Variants in MGAM2 observed in about 807,000 individuals in gnomAD.
MGAM2 encodes probable maltase-glucoamylase 2.
Under a neutral mutation model 96.1 loss-of-function variants are expected in MGAM2, and 98 were observed. The observed-to-expected ratio is 1.02, with a 90% CI of 0.87 to 1.21. The LOEUF (loss-of-function observed/expected upper bound fraction) is 1.21. Ranked by LOEUF, MGAM2 falls within the 50% of genes most tolerant of loss-of-function variation. The pLI is 0.00. For synonymous variants in MGAM2, 749 were observed against 414.8 expected (o/e 1.81, Z -9.79); for missense variants, 2,055 against 1,182.4 (o/e 1.74, Z -10.82).
Position 142,120,383 on chromosome 7 carries a change from T to G in MGAM2, c.186+2T>G. 2.8e-6 allele frequency: 2 copies of G among 702,778 alleles called. No homozygotes were observed. Among genetic ancestry groups the G allele is most frequent in the Non-Finnish European group, 5.2e-6 (2 of 384,884 alleles). 43.5% of individuals were successfully genotyped at this position (702,778 alleles called of 1,614,324 possible). ...ACACCTGACCAGGAGGTGACCGAGG[T>G]CAGAGAAATAAGGTCCCTTTTGGTG... On this transcript the variant is annotated splice_donor_variant, in intron 3 of 47. Transcript: ENST00000477922. LOFTEE classifies it high-confidence loss of function.
At chr7:142,185,959 C>G (rs1219527877) in intron 34 of MGAM2, 30 bp from the exon 35 acceptor site, 2 of 701,352 alleles carry the variant, frequency 2.9e-6, no homozygotes, top group Admixed American at 2.0e-5. Flanking sequence ...GCTGAGACCC[C>G]GACAATGAGA....
At position 142,116,926 on chromosome 7, in the gene MGAM2, T is replaced by C; in HGVS notation, c.53T>C (p.Ile18Thr). Residue 18 changes from isoleucine (I) to threonine (T), a missense_variant, in exon 2 of 48, where the codon ATT becomes ACT. Physicochemically the swap from Ile to Thr is moderately conservative, Grantham distance 89. Coordinates refer to ENST00000477922, the MANE Select transcript of MGAM2 (RefSeq NM_001293626.2). ...GTCCTTCTGATCATCTTCTGCTTAATTGTGGTGACCATAGATATCCTCTTG... is the reference window on the plus strand; with the variant it reads ...GTCCTTCTGATCATCTTCTGCTTAACTGTGGTGACCATAGATATCCTCTTG... ...LEVLLIIFCL[I>T]VVTIDILLLL... 1.4e-6 allele frequency: 1 copy of C among 703,508 alleles called. No individual in the cohort carries two copies. Among genetic ancestry groups the C allele is most frequent in the Non-Finnish European group, 2.6e-6 (1 of 385,082 alleles). The allele number at this position is 703,508 out of a possible 1,614,324, so 43.6% of individuals were successfully genotyped here.
chr7:142,167,202 T>C, intron 25 of MGAM2, 66 bp from the exon 26 acceptor site: 2 of 620,286 alleles, frequency 3.2e-6, no homozygotes, highest in South Asian at 1.8e-5. Flanking sequence ...GTTAACCAAC[T>C]TCTTCAGTAA....
chr7:142,179,419 A>T, intron 32 of MGAM2, among the ~76,000 whole-genome samples: 1 of 152,184 alleles, frequency 6.6e-6, no homozygotes, highest in Non-Finnish European at 1.5e-5. Flanking sequence ...GAGAGGGGGC[A>T]TCCTTGCCAT....
At chr7:142,216,529 G>A (rs1383113952) in intron 46 of MGAM2, among the ~76,000 whole-genome samples, 5 of 152,090 alleles carry the variant, frequency 3.3e-5, no homozygotes, top group East Asian at 3.9e-4. Context: ...TATTATCAGC[G>A]GTTTCCTGGT....
At chr7:142,192,111 C>T (rs577859538) in intron 37 of MGAM2, among the ~76,000 whole-genome samples, 2 of 152,098 alleles carry the variant, frequency 1.3e-5, no homozygotes, top group South Asian at 2.1e-4. Context: ...GCCTTCTGTC[C>T]CCAGAGTTTA....
Position 142,131,058 on chromosome 7 carries a change from A to T in MGAM2, c.297A>T (p.Thr99=), listed in dbSNP as rs1028969675. The T allele has an allele frequency of 5.7e-6, 4 of 702,536 alleles. No homozygotes were observed. In the African/African-American group the frequency reaches 7.0e-5, roughly 12 times the overall value. The allele number at this position is 702,536 out of a possible 1,614,324, so 43.5% of individuals were successfully genotyped here. A position where few individuals can be genotyped will look rare whatever the true frequency, so the allele number is the denominator to read the frequency against. ...NWGYEASNGH[T]NTSTGFTAQL... is the part of the protein sequence containing the mutation. ...GCTATGAAGCCAGCAATGGCCATACAAATACAAGCACAGGTGAGCACTGCC... is the reference window on the plus strand; with the variant it reads ...GCTATGAAGCCAGCAATGGCCATACTAATACAAGCACAGGTGAGCACTGCC... Residue 99 remains threonine (T), a synonymous_variant, in exon 4 of 48, where the codon ACA becomes ACT. Transcript: ENST00000477922.
chr7:142,164,406 A>G (rs529573515), intron 23 of MGAM2, among the ~76,000 whole-genome samples: 30 of 152,326 alleles, frequency 2.0e-4, no homozygotes, highest in African/African-American at 7.0e-4. Flanking sequence ...TGCTTAGCAC[A>G]GTGCCTGTCA....
At chr7:142,173,142 A>G (rs1199042041) in intron 30 of MGAM2, 87 bp from the exon 31 acceptor site, 1 of 676,538 alleles carries the variant, frequency 1.5e-6, no homozygotes, top group Non-Finnish European at 2.7e-6. Flanking sequence ...AGTACTTAGC[A>G]GAAACACTCA....
chr7:142,135,224 T>G (rs566871373), intron 7 of MGAM2, among the ~76,000 whole-genome samples: 2 of 152,298 alleles, frequency 1.3e-5, no homozygotes, highest in East Asian at 1.9e-4. Context: ...TCGGATACAA[T>G]GGAGGGAGTG....
rs1312762794 is a variant in MGAM2 at position 142,120,372 on chromosome 7, G to T, written c.177G>T (p.Glu59Asp). 2 of 702,952 alleles carry T rather than the reference G, an allele frequency of 2.8e-6. No homozygotes were observed. The highest frequency in any genetic ancestry group is 5.2e-6 in the Non-Finnish European group (2 of 384,986). The allele number at this position is 702,952 out of a possible 1,614,324, so 43.5% of individuals were successfully genotyped here. ...SERIDCTPDQ[E>D]VTEDICRWQY... ...GGATAGACTGCACACCTGACCAGGA[G>T]GTGACCGAGGTCAGAGAAATAAGGT... Residue 59 changes from glutamate to aspartate, a missense_variant, in exon 3 of 48, where the codon GAG (glutamate) becomes GAT (aspartate). Transcript: ENST00000477922.
Position 142,141,071 on chromosome 7 carries a change from C to T in MGAM2, c.1269C>T (p.Ser423=), listed in dbSNP as rs994296706. 1.4e-6 allele frequency: 1 copy of T among 701,680 alleles called. No homozygotes were observed. Among genetic ancestry groups the T allele is most frequent in the African/African-American group, 1.7e-5 (1 of 57,170 alleles). The allele number at this position is 701,680 out of a possible 1,614,324, so 43.5% of individuals were successfully genotyped here. A position where few individuals can be genotyped will look rare whatever the true frequency, so the allele number is the denominator to read the frequency against. ...ACTACGAGCCCTATAATAATGGAAG[C>T]CTAAAGAGAGTGTGGATCTTGGGGA... ...NSNYEPYNNG[S]LKRVWILGSN... Residue 423 remains serine (S), a synonymous_variant, in exon 12 of 48, where the codon AGC becomes AGT. Coordinates refer to ENST00000477922, the MANE Select transcript of MGAM2 (RefSeq NM_001293626.2).
intron 14 of MGAM2, among the ~76,000 whole-genome samples, chr7:142,146,231 A>G (rs1256144298): frequency 7.1e-6 from 1 of 140,792 alleles, no homozygotes; most frequent in African/African-American, 2.7e-5. Context: ...CCTATGGAAA[A>G]CCTCAATCCT....
intron 37 of MGAM2, among the ~76,000 whole-genome samples, chr7:142,195,801 G>A (rs1797015483): frequency 6.6e-6 from 1 of 152,052 alleles, no homozygotes; most frequent in Admixed American, 6.6e-5. Context: ...ACCTTTTCAT[G>A]ATGTTATGAG....
At chr7:142,175,066 A>G (rs964187229) in intron 31 of MGAM2, among the ~76,000 whole-genome samples, 1 of 151,964 alleles carries the variant, frequency 6.6e-6, no homozygotes, top group African/African-American at 2.4e-5. Context: ...AACTTCCAAT[A>G]CTACATTGAA....
intron 26 of MGAM2, 87 bp downstream of exon 26, chr7:142,167,573 A>G (rs1177216963): frequency 6.0e-6 from 4 of 671,720 alleles, no homozygotes; most frequent in Non-Finnish European, 1.1e-5. Flanking sequence ...AAACAATTAA[A>G]ACATTTTTTT....
chr7:142,120,093 G>A (rs577877118), intron 2 of MGAM2, among the ~76,000 whole-genome samples: 3 of 152,290 alleles, frequency 2.0e-5, no homozygotes, highest in East Asian at 1.9e-4. Context: ...AGAAATAAAC[G>A]TGTTTAAACT....
Position 142,160,201 on chromosome 7 carries a change from A to T in MGAM2, c.2288A>T (p.His763Leu). The T allele has an allele frequency of 1.4e-6, 1 of 702,770 alleles. No individual in the cohort carries two copies. Among genetic ancestry groups the T allele is most frequent in the South Asian group, 1.5e-5 (1 of 67,564 alleles). The allele number at this position is 702,770 out of a possible 1,614,324, so 43.5% of individuals were successfully genotyped here. Residue 763 changes from histidine to leucine, a missense_variant, in exon 21 of 48, where the codon CAT (histidine) becomes CTT (leucine). Transcript: ENST00000477922. ...CTCCCAGGTGACAAGATAGGACTTC[A>T]TCTGCGAGGGGGCTACATATTTCCC... ...MLLPGDKIGL[H>L]LRGGYIFPTQ...
chr7:142,208,225 A>C (rs1235987157), intron 45 of MGAM2: 1 of 479,308 alleles, frequency 2.1e-6, no homozygotes, highest in South Asian at 1.5e-5. Context: ...CATAGTCTTT[A>C]ACACCACTGC....
Sources: gnomAD v4.1 joint callset for allele counts (sites outside exome capture counted in the v4.1 genomes callset) on GRCh38, gnomAD v4.1.1 for gene constraint, MANE v1.5 for transcripts, NCBI Gene and HGNC (gene_info 2026-07-23, HGNC 2026-07-21) for gene names.